The following SGSM1 variants were observed in gnomAD, a reference collection of about 807,000 sequenced individuals.
The protein encoded by SGSM1 is RUN and TBC1 domain containing 2.
In SGSM1, 73 loss-of-function variants were observed where a neutral mutation model predicts 133.8. The ratio of observed to expected loss-of-function variants is 0.55; its 90% CI spans 0.45 to 0.66. The LOEUF is 0.66. Ranked by LOEUF, SGSM1 falls within the 30% of genes least tolerant of loss-of-function variation. The probability of loss-of-function intolerance (pLI) is 0.00; values close to 1 mark genes in which losing one functional copy is unlikely to be tolerated. For missense variants in SGSM1, 1,213 were observed against 1,448.1 expected (o/e 0.84, Z 2.64); for synonymous variants, 563 against 573.0 (o/e 0.98, Z 0.25).
intron 16 of SGSM1, among the ~76,000 whole-genome samples, chr22:24,887,635 G>A (rs4541332): frequency 0.14 from 21,822 of 152,158 alleles, 1,758 homozygotes; most frequent in South Asian, 0.29. Flanking sequence ...GTAGTCGCAT[G>A]TTCAGTTTTA....
At chr22:24,828,789 G>A (rs1458131583) in intron 2 of SGSM1, among the ~76,000 whole-genome samples, 1 of 152,232 alleles carries the variant, frequency 6.6e-6, no homozygotes, top group Non-Finnish European at 1.5e-5. Context: ...GTTCACTGCA[G>A]TACTATTCAC....
In SGSM1 at chr22:24,848,423, T is replaced by TA. The variant is rs199560795; in HGVS notation, c.302+637dup. On this transcript the variant is annotated intron_variant, in intron 4 of 24. Transcript: ENST00000400358. ...ACATTCAAATACACTGACTAGAAGT[T>TA]AAAAAAAAAACTCTCATACTGAAGT... 3.4e-3 allele frequency among the ~76,000 whole-genome samples: 501 copies of TA among 149,306 alleles called. 2 individuals carry two copies. Among genetic ancestry groups the TA allele is most frequent in the Non-Finnish European group, 5.3e-3 (357 of 67,046 alleles).
At chr22:24,866,994 G>A in intron 9 of SGSM1, 99 bp from the exon 10 acceptor site, 2 of 1,095,368 alleles carry the variant, frequency 1.8e-6, no homozygotes, top group Non-Finnish European at 2.7e-6. Context: ...TAATGGGAAG[G>A]GTGGAGGAGC....
At chr22:24,920,015 CATG>C in intron 24 of SGSM1, 22 bp downstream of exon 24, 5 of 1,573,694 alleles carry the variant, frequency 3.2e-6, no homozygotes, top group Non-Finnish European at 4.3e-6. Context: ...ACTGGGGCCT[CATG>C]AGAGGGGTGC....
rs903770016 is a variant in SGSM1, at chr22:24,879,311, T to C, written c.1431-151T>C. ...GGTACCAGAAGAGGCAATGATGCTG[T>C]ACAGGTAGAGGTAATAGCAGCCCTC... On this transcript the variant is annotated intron_variant, in intron 13 of 24. Coordinates refer to ENST00000400358, the MANE Select transcript of SGSM1 (RefSeq NM_001098497.3). 3.8e-5 allele frequency: 25 copies of C among 666,250 alleles called. No homozygotes were observed. The African/African-American group carries it at 4.3e-4, about 12-fold the overall frequency. The allele number at this position is 666,250 out of a possible 1,614,324, so 41.3% of individuals were successfully genotyped here. A position where few individuals can be genotyped will look rare whatever the true frequency, so the allele number is the denominator to read the frequency against.
intron 13 of SGSM1, among the ~76,000 whole-genome samples, chr22:24,878,723 A>G (rs1932161619): frequency 6.6e-6 from 1 of 152,170 alleles, no homozygotes; most frequent in Non-Finnish European, 1.5e-5. Flanking sequence ...AAAAATTCCC[A>G]TGCAAGGAGA....
At chr22:24,910,108 G>A (rs530678450) in intron 21 of SGSM1, among the ~76,000 whole-genome samples, 2 of 152,302 alleles carry the variant, frequency 1.3e-5, no homozygotes, top group East Asian at 3.9e-4. Flanking sequence ...TTCACAAATG[G>A]TGTGATTCCA....
rs1932048587 is a variant in SGSM1 at position 24,876,770 on chromosome 22, G to A, written c.1430+55G>A. On this transcript the variant is annotated intron_variant, in intron 13 of 24. Transcript: ENST00000400358. ...GAGCTGAAGGATGTACCAGAGATCT[G>A]TAGATGCCCATGTCTTACCCTGCAC... 31 of 1,608,520 alleles carry A rather than the reference G, an allele frequency of 1.9e-5. No individual in the cohort carries two copies. The South Asian group carries it at 3.4e-4, about 18-fold the overall frequency.
intron 3 of SGSM1, among the ~76,000 whole-genome samples, chr22:24,846,109 G>T (rs1337828508): frequency 2.7e-5 from 4 of 145,572 alleles, no homozygotes. Flanking sequence ...CACAATCACA[G>T]CTCACTGCAG....
At position 24,904,291 on chromosome 22, in the gene SGSM1, G is replaced by A. The variant is rs145906632; in HGVS notation, c.2736-814G>A. Among the ~76,000 whole-genome samples the A allele has an allele frequency of 3.6e-3, 547 of 152,246 alleles. 4 individuals are homozygous for A. Among genetic ancestry groups the A allele is most frequent in the African/African-American group, 0.013 (529 of 41,548 alleles). ...TCACATGACTATTTTGAAAATAGTG[G>A]GTTGAGAGGCCGGGCGCAGTGTCTC... On this transcript the variant is annotated intron_variant, in intron 20 of 24. Transcript: ENST00000400358.
At chr22:24,841,158 GT>G (rs1929787805) in intron 2 of SGSM1, among the ~76,000 whole-genome samples, 1 of 152,138 alleles carries the variant, frequency 6.6e-6, no homozygotes, top group Non-Finnish European at 1.5e-5. Context: ...CTGTGTTTTT[GT>G]TTTTATTTAT....
chr22:24,908,691 A>G (rs1933502398), intron 21 of SGSM1, among the ~76,000 whole-genome samples: 1 of 151,712 alleles, frequency 6.6e-6, no homozygotes, highest in Non-Finnish European at 1.5e-5. Flanking sequence ...AGTCCCAGCT[A>G]CTCGGGAGGC....
intron 2 of SGSM1, among the ~76,000 whole-genome samples, chr22:24,810,459 C>G (rs1031114134): frequency 6.6e-6 from 1 of 151,974 alleles, no homozygotes; most frequent in Non-Finnish European, 1.5e-5. Context: ...TCCTGGCTTC[C>G]TTTACCCTCC....
intron 19 of SGSM1, chr22:24,901,108 C>T (rs538924395): frequency 6.6e-6 from 1 of 152,268 alleles, no homozygotes; most frequent in African/African-American, 2.4e-5. Context: ...AATTTAATAA[C>T]TATGTTCAAG....
At chr22:24,900,393 T>TCTTTCTC (rs1569171007) in intron 19 of SGSM1, among the ~76,000 whole-genome samples, 1 of 69,364 alleles carries the variant, frequency 1.4e-5, no homozygotes, top group African/African-American at 4.9e-5. Flanking sequence ...CTTTCTTTCT[T>TCTTTCTC]TCTTTCTTTC....
At chr22:24,816,417 C>CTTTTTTTTTTTTTT (rs3062145) in intron 2 of SGSM1, among the ~76,000 whole-genome samples, 2 of 130,100 alleles carry the variant, frequency 1.5e-5, no homozygotes, top group Admixed American at 8.5e-5. Context: ...TTTTTTCTTT[C>CTTTTTTTTTTTTTT]TTTTTTTTTT....
At chr22:24,826,794 C>G (rs142305490) in intron 2 of SGSM1, among the ~76,000 whole-genome samples, 173 of 152,192 alleles carry the variant, frequency 1.1e-3, no homozygotes, top group African/African-American at 4.1e-3. Flanking sequence ...TGGGGGCTAC[C>G]TCTTTTCCAG....
At chr22:24,879,177 C>G (rs1932185425) in intron 13 of SGSM1, among the ~76,000 whole-genome samples, 1 of 152,212 alleles carries the variant, frequency 6.6e-6, no homozygotes, top group African/African-American at 2.4e-5. Context: ...CATCTCTGCC[C>G]CAATCACTGT....
intron 14 of SGSM1, among the ~76,000 whole-genome samples, chr22:24,880,707 C>T (rs896862093): frequency 6.6e-6 from 1 of 152,106 alleles, no homozygotes; most frequent in African/African-American, 2.4e-5. Flanking sequence ...ATTTATTGGA[C>T]CCAAATGGAA....
Sources: gnomAD v4.1 joint callset for allele counts (sites outside exome capture counted in the v4.1 genomes callset) on GRCh38, gnomAD v4.1.1 for gene constraint, MANE v1.5 for transcripts, NCBI Gene and HGNC (gene_info 2026-07-23, HGNC 2026-07-21) for gene names.